The following SLIT1 variants were observed in gnomAD, a reference collection of about 807,000 sequenced individuals.
SLIT1 encodes slit guidance ligand 1.
SLIT1 carries 66 observed loss-of-function variants against 186.1 expected under a neutral mutation model. The ratio of observed to expected loss-of-function variants is 0.35; its 90% CI spans 0.29 to 0.44. The LOEUF is 0.44. SLIT1 is among the 20% of genes least tolerant of loss of function. The pLI, the probability that SLIT1 is intolerant of heterozygous loss-of-function variation, is 1.00. For synonymous variants in SLIT1, 761 were observed against 833.8 expected, an observed-to-expected ratio of 0.91 and a Z score of 1.50; for missense variants, 1,638 against 2,037.4, an observed-to-expected ratio of 0.80 and a Z score of 3.77.
At chr10:97,087,483 C>T (rs1849175246) in intron 4 of SLIT1, among the ~76,000 whole-genome samples, 1 of 152,248 alleles carries the variant, frequency 6.6e-6, no homozygotes, top group Non-Finnish European at 1.5e-5. Context: ...ACGATGGCAG[C>T]ACAGCTGTGG....
In SLIT1 at chr10:97,068,378, T is replaced by C. The variant is rs1016230589; in HGVS notation, c.414-2292A>G. Among the ~76,000 whole-genome samples the C allele has an allele frequency of 2.0e-5, 3 of 152,114 alleles. No individual in the cohort carries two copies. Among genetic ancestry groups the C allele is most frequent in the Non-Finnish European group, 4.4e-5 (3 of 68,006 alleles). ...TGAAAGCCTGGCAAAGCAATTGCCTTCCCGTCCCCACAGAGTGGGCACCAA... is the reference window on the plus strand; with the variant it reads ...TGAAAGCCTGGCAAAGCAATTGCCTCCCCGTCCCCACAGAGTGGGCACCAA... On this transcript the variant is annotated intron_variant, in intron 4 of 36. Coordinates refer to ENST00000266058, the MANE Select transcript of SLIT1 (RefSeq NM_003061.3). The surrounding 1 kb of genome is among the most constrained non-coding windows in gnomAD (Gnocchi z 4.2).
chr10:97,087,965 C>T (rs887978653), intron 4 of SLIT1, among the ~76,000 whole-genome samples: 6 of 152,182 alleles, frequency 3.9e-5, no homozygotes, highest in Admixed American at 6.5e-5. Flanking sequence ...ACCCAGCCCC[C>T]GAGACCTGCT....
chr10:97,161,433 G>A (rs138537560), intron 3 of SLIT1, among the ~76,000 whole-genome samples: 111 of 152,322 alleles, frequency 7.3e-4, no homozygotes, highest in South Asian at 2.9e-3. Context: ...GGAGGGCAAC[G>A]AGGCAATCGG....
chr10:97,141,681 T>C (rs113092521), intron 4 of SLIT1, among the ~76,000 whole-genome samples: 2,574 of 140,516 alleles, frequency 0.018, 49 homozygotes, highest in East Asian at 0.033. Context: ...TGTATCGTAT[T>C]GTATCGTATC....
At position 97,123,314 on chromosome 10, in the gene SLIT1, TC is replaced by T. The variant is rs1273659902; in HGVS notation, c.413+34503del. Among the ~76,000 whole-genome samples the T allele has an allele frequency of 1.3e-3, 194 of 152,308 alleles. 6 individuals carry two copies. The highest frequency in any genetic ancestry group is 0.013 in the Admixed American group (192 of 15,294). The stretch of plus-strand genomic sequence containing the variant: ...GCCACAGTTTTGCAAAACAATAGAT[TC>T]CTTCAAAATTCCTGTGGAATGTAAA... On this transcript the variant is annotated intron_variant, in intron 4 of 36. Transcript: ENST00000266058.
intron 4 of SLIT1, among the ~76,000 whole-genome samples, chr10:97,124,227 C>T (rs1470146483): frequency 1.3e-5 from 2 of 152,140 alleles, no homozygotes; most frequent in African/African-American, 4.8e-5. Context: ...GCTCTTGTCC[C>T]TGCACATTTT....
chr10:97,045,742 A>C (rs1174479601), intron 18 of SLIT1, among the ~76,000 whole-genome samples: 1 of 152,200 alleles, frequency 6.6e-6, no homozygotes, highest in Non-Finnish European at 1.5e-5. Context: ...GTGCATAATA[A>C]AATTTGCTTT....
chr10:97,050,637 A>G (rs1227033228), intron 13 of SLIT1, among the ~76,000 whole-genome samples: 2 of 152,202 alleles, frequency 1.3e-5, no homozygotes, highest in African/African-American at 4.8e-5. Context: ...AAAACATACC[A>G]GGATTTAAGG....
At chr10:97,017,068 C>G (rs187950348) in intron 28 of SLIT1, among the ~76,000 whole-genome samples, 2 of 152,338 alleles carry the variant, frequency 1.3e-5, no homozygotes, top group Admixed American at 1.3e-4. Context: ...CCCCTTTCCA[C>G]CTGGAGAGCC....
chr10:97,041,263 A>T (rs1848688150), intron 20 of SLIT1, among the ~76,000 whole-genome samples: 1 of 152,220 alleles, frequency 6.6e-6, no homozygotes. Flanking sequence ...AATGTCCAGC[A>T]GCTGGGGGCT....
At chr10:97,164,295 C>A (rs184602981) in intron 2 of SLIT1, among the ~76,000 whole-genome samples, 3 of 151,990 alleles carry the variant, frequency 2.0e-5, no homozygotes, top group Non-Finnish European at 4.4e-5. Context: ...GGGGGGGAAC[C>A]GCCACCAGAT....
At chr10:97,074,089 G>C (rs530823360) in intron 4 of SLIT1, among the ~76,000 whole-genome samples, 1 of 151,932 alleles carries the variant, frequency 6.6e-6, no homozygotes, top group Admixed American at 6.6e-5. Context: ...TTTACTTTTC[G>C]GCACAACCCA....
intron 27 of SLIT1, 37 bp from the exon 28 acceptor site, chr10:97,018,720 C>T (rs3740527): frequency 0.065 from 91,951 of 1,405,950 alleles, 3,325 homozygotes; most frequent in East Asian, 0.11. Flanking sequence ...CCCAGGGAGA[C>T]CCAGGAGTTA....
chr10:97,180,082 C>T (rs952106451), intron 1 of SLIT1, among the ~76,000 whole-genome samples: 4 of 152,184 alleles, frequency 2.6e-5, no homozygotes, highest in Non-Finnish European at 4.4e-5. Flanking sequence ...CAGCCCGCCC[C>T]GCCCAAGAAG....
chr10:97,021,238 T>C lies in SLIT1; in HGVS notation c.2746+12A>G. On this transcript the variant is annotated intron_variant, in intron 26 of 36. Coordinates refer to ENST00000266058, the MANE Select transcript of SLIT1 (RefSeq NM_003061.3). The surrounding 1 kb of genome is among the most constrained non-coding windows in gnomAD (Gnocchi z 4.5). ...AGCCCCCAGCAGCAGGAGGCTGTGC[T>C]CCTAGGCTCACCTTGGCATTCAAAC... 3 of 1,612,130 alleles carry C rather than the reference T, an allele frequency of 1.9e-6. No homozygotes were observed. Among genetic ancestry groups the C allele is most frequent in the Non-Finnish European group, 2.5e-6 (3 of 1,178,936 alleles).
In SLIT1 at chr10:97,004,253, G is replaced by T. The variant is rs768760416; in HGVS notation, c.3711-31C>A. 6.3e-7 allele frequency: 1 copy of T among 1,589,436 alleles called. No individual in the cohort carries two copies. The highest frequency in any genetic ancestry group is 8.6e-7 in the Non-Finnish European group (1 of 1,160,792). ...GGAAGAGGGGGTTCCCCGTTCCAGGGAGTGGGCATCAGTCTGGACCATCCC... is the reference window on the plus strand; with the variant it reads ...GGAAGAGGGGGTTCCCCGTTCCAGGTAGTGGGCATCAGTCTGGACCATCCC... On this transcript the variant is annotated intron_variant, in intron 33 of 36. Transcript: ENST00000266058. The surrounding 1 kb of genome is among the most constrained non-coding windows in gnomAD (Gnocchi z 5.1).
chr10:97,079,633 G>C (rs1849083642), intron 4 of SLIT1, among the ~76,000 whole-genome samples: 1 of 152,208 alleles, frequency 6.6e-6, no homozygotes, highest in Non-Finnish European at 1.5e-5. Context: ...AGGCTGAGAG[G>C]AAACTGCACG....
chr10:97,185,317 G>A (rs1850396444), intron 1 of SLIT1, among the ~76,000 whole-genome samples, 161 bp downstream of exon 1: 1 of 152,134 alleles, frequency 6.6e-6, no homozygotes, highest in Admixed American at 6.5e-5. Context: ...GGCGCTCCTG[G>A]CTCCTGGCTC....
Position 97,060,891 on chromosome 10 carries a change from T to C in SLIT1, c.794-104A>G, listed in dbSNP as rs1589378737. On this transcript the variant is annotated intron_variant, in intron 8 of 36. Coordinates refer to ENST00000266058, the MANE Select transcript of SLIT1 (RefSeq NM_003061.3). ...GGATAGGGTGTACACTGGCAGTTTCTCTCGATAAGGATGAACCAGAGGGGA... is the reference window on the plus strand; with the variant it reads ...GGATAGGGTGTACACTGGCAGTTTCCCTCGATAAGGATGAACCAGAGGGGA... 12 of 1,268,566 alleles carry C rather than the reference T, an allele frequency of 9.5e-6. No homozygotes were observed. The East Asian group carries it at 3.1e-4, about 33-fold the overall frequency. The allele number at this position is 1,268,566 out of a possible 1,614,324, so 78.6% of individuals were successfully genotyped here.
Sources: allele counts gnomAD v4.1 joint callset (sites outside exome capture counted in the v4.1 genomes callset), GRCh38; gene constraint gnomAD v4.1.1; non-coding constraint Gnocchi (gnomAD v3.1); transcripts MANE v1.5; gene names NCBI Gene and HGNC (gene_info 2026-07-23, HGNC 2026-07-21).